The following CHD9 variants were observed in gnomAD, a reference collection of about 807,000 sequenced individuals.
CHD9 encodes the protein chromodomain helicase DNA binding protein 9, also known as ATP-dependent chromatin remodeler CHD9.
Under a neutral mutation model 316.1 loss-of-function variants are expected in CHD9, and 77 were observed. The ratio of observed to expected loss-of-function variants is 0.24; its 90% confidence interval spans 0.20 to 0.29. The LOEUF is 0.29. Ranked by LOEUF, CHD9 falls within the 10% of genes least tolerant of loss-of-function variation. The pLI, the probability that CHD9 is intolerant of heterozygous loss-of-function variation, is 1.00. For missense variants in CHD9, 2,763 were observed against 3,438.1 expected (o/e 0.80, Z 4.91); for synonymous variants, 1,129 against 1,158.3 (o/e 0.97, Z 0.51).
intron 22 of CHD9, among the ~76,000 whole-genome samples, chr16:53,270,674 T>C (rs2052167443): frequency 6.6e-6 from 1 of 151,968 alleles, no homozygotes. Context: ...CTCTCAAAAA[T>C]GGGAGAGGAA....
intron 2 of CHD9, among the ~76,000 whole-genome samples, chr16:53,179,073 C>G (rs566843981): frequency 2.0e-5 from 3 of 152,226 alleles, no homozygotes; most frequent in East Asian, 3.9e-4. Context: ...ATATGTGAAT[C>G]ACTTAGAGTC....
chr16:53,305,110 G>T (rs2055837048), intron 31 of CHD9, among the ~76,000 whole-genome samples: 1 of 151,990 alleles, frequency 6.6e-6, no homozygotes, highest in Non-Finnish European at 1.5e-5. Context: ...CGCCCAGGCT[G>T]GAGTGCAATG....
At chr16:53,211,346 T>A (rs2046318144) in intron 3 of CHD9, among the ~76,000 whole-genome samples, 1 of 152,150 alleles carries the variant, frequency 6.6e-6, no homozygotes, top group Non-Finnish European at 1.5e-5. Context: ...AGTGAATTAA[T>A]ATAGTAAGGG....
rs755310786 is a variant in CHD9 at position 53,273,680 on chromosome 16, C to T, written c.4772C>T (p.Thr1591Ile). The change falls in exon 23 of 39, where the codon ACA becomes ATA. Residue 1591 changes from threonine (T) to isoleucine (I), a missense_variant. Physicochemically the swap from Thr to Ile is moderately conservative, Grantham distance 89 (BLOSUM62 -1). This residue lies in a region of CHD9 where 99 missense variants were observed against 131.6 expected (regional missense o/e 0.75). Transcript: ENST00000447540. Reference sequence around the variant, plus strand: ...AAAGGGAAGAAAGTAAAAACTCAAACAAGCTCATTTGATATACAAAAAGCA... The same window carrying T: ...AAAGGGAAGAAAGTAAAAACTCAAATAAGCTCATTTGATATACAAAAAGCA... ...GRKGKKVKTQTSSFDIQKAEW... is the reference protein window; with the variant it reads ...GRKGKKVKTQISSFDIQKAEW... The T allele has an allele frequency of 9.3e-6, 15 of 1,613,030 alleles. No individual in the cohort carries two copies. The highest frequency in any genetic ancestry group is 8.3e-5 in the Admixed American group (5 of 59,950).
intron 1 of CHD9, among the ~76,000 whole-genome samples, chr16:53,091,007 C>G (rs1044527549): frequency 4.0e-5 from 6 of 151,756 alleles, no homozygotes; most frequent in Non-Finnish European, 7.4e-5. Context: ...GCTCACCCCC[C>G]CCCGACTGAC....
intron 2 of CHD9, among the ~76,000 whole-genome samples, chr16:53,205,570 C>T (rs1332559469): frequency 6.6e-6 from 1 of 152,186 alleles, no homozygotes; most frequent in Non-Finnish European, 1.5e-5. Context: ...CTTAACACCT[C>T]TGTTGATATT....
chr16:53,056,652 G>A (rs926175165), intron 1 of CHD9, among the ~76,000 whole-genome samples: 1 of 152,234 alleles, frequency 6.6e-6, no homozygotes, highest in African/African-American at 2.4e-5. Context: ...GGCGCGTGGT[G>A]TGTCTTCACA....
intron 2 of CHD9, among the ~76,000 whole-genome samples, chr16:53,197,604 G>T (rs1285580843): frequency 6.6e-6 from 1 of 151,098 alleles, no homozygotes; most frequent in African/African-American, 2.4e-5. Flanking sequence ...TCCCAGAATT[G>T]AATGGGACTA....
intron 9 of CHD9, 47 bp downstream of exon 9, chr16:53,231,552 T>G (rs934506481): frequency 7.2e-6 from 10 of 1,391,110 alleles, no homozygotes; most frequent in Middle Eastern, 1.8e-4. Context: ...AATCTGAAAC[T>G]TTCCAAGTAT....
At position 53,162,167 on chromosome 16, in the gene CHD9, T is replaced by A. The variant is rs75370817; in HGVS notation, c.1452+4626T>A. Among the ~76,000 whole-genome samples the A allele has an allele frequency of 2.3e-3, 356 of 152,326 alleles. 1 individual carries two copies. Among genetic ancestry groups the A allele is most frequent in the African/African-American group, 8.0e-3 (333 of 41,566 alleles). On this transcript the variant is annotated intron_variant, in intron 2 of 38. Transcript: ENST00000447540. ...TTAACAACAGTGAATATTGCTGATT[T>A]GACTCTAGAATTTTACTGCTTAGAA...
intron 2 of CHD9, among the ~76,000 whole-genome samples, chr16:53,198,190 A>G (rs16952055): frequency 0.014 from 2,138 of 152,072 alleles, 47 homozygotes; most frequent in African/African-American, 0.05. Flanking sequence ...ATTATTAACT[A>G]TGATTCCCTC....
At chr16:53,232,849 C>G (rs1001342073) in intron 10 of CHD9, among the ~76,000 whole-genome samples, 4 of 152,204 alleles carry the variant, frequency 2.6e-5, no homozygotes, top group African/African-American at 9.7e-5. Context: ...CAGTCCTGTT[C>G]TCAGTATACT....
chr16:53,060,885 CA>C (rs2032799919), intron 1 of CHD9, among the ~76,000 whole-genome samples: 1 of 151,108 alleles, frequency 6.6e-6, no homozygotes, highest in African/African-American at 2.4e-5. Context: ...TGCACCACCG[CA>C]CTCCAGCCTA....
At chr16:53,249,806 T>A (rs2049981305) in intron 16 of CHD9, 65 bp from the exon 17 acceptor site, 1 of 1,270,288 alleles carries the variant, frequency 7.9e-7, no homozygotes, top group African/African-American at 1.5e-5. Flanking sequence ...ACTTTACATT[T>A]GATAGAATAT....
chr16:53,210,126 T>G (rs1212796331), intron 3 of CHD9, among the ~76,000 whole-genome samples: 1 of 152,188 alleles, frequency 6.6e-6, no homozygotes, highest in Non-Finnish European at 1.5e-5. Flanking sequence ...TCCATATTGC[T>G]GTGCCAGTTT....
intron 1 of CHD9, among the ~76,000 whole-genome samples, chr16:53,112,002 G>C (rs1268369412): frequency 6.6e-6 from 1 of 152,194 alleles, no homozygotes; most frequent in Non-Finnish European, 1.5e-5. Context: ...CTAAGTCTAG[G>C]TGAGGTTAAA....
rs1275535798 is a variant in CHD9 at position 53,255,703 on chromosome 16, A to T, written c.4133A>T (p.Asp1378Val). ...GAAGGCTCTAAATTCTGCGAAGAGG[A>T]TATCGATCAGATTTTACTACGTCGT... The part of the protein sequence containing the change: ...EDEGSKFCEE[D>V]IDQILLRRTK... Residue 1378 changes from aspartate to valine, a missense_variant, in exon 19 of 39, where the codon GAT becomes GTT. Physicochemically the swap from Asp to Val is radical, Grantham distance 152. Around this residue, in one of 15 missense-constraint regions of CHD9, gnomAD observed 199 missense variants for 251.7 expected, o/e 0.79. Coordinates refer to ENST00000447540, the MANE Select transcript of CHD9 (RefSeq NM_001308319.2). The T allele has an allele frequency of 3.1e-6, 5 of 1,613,798 alleles. No homozygotes were observed. Among genetic ancestry groups the T allele is most frequent in the African/African-American group, 2.7e-5 (2 of 74,930 alleles).
In CHD9 at chr16:53,306,340, A is replaced by C; in HGVS notation, c.6723A>C (p.Pro2241=). ...QDSFQMNNGT[P]ESAYILQGGY... is the part of the protein sequence containing the mutation. The stretch of plus-strand genomic sequence containing the variant: ...GTTTTCAGATGAACAATGGGACACC[A>C]GAGTCTGCTTATATCTTACAAGGTG... Residue 2241 remains proline (P), a synonymous_variant, in exon 32 of 39, where the codon CCA becomes CCC. Transcript: ENST00000447540. 6.2e-7 allele frequency: 1 copy of C among 1,611,172 alleles called. No individual in the cohort carries two copies. Among genetic ancestry groups the C allele is most frequent in the Non-Finnish European group, 8.5e-7 (1 of 1,178,626 alleles).
chr16:53,102,710 CATG>C (rs2036989108), intron 1 of CHD9, among the ~76,000 whole-genome samples: 1 of 152,040 alleles, frequency 6.6e-6, no homozygotes, highest in African/African-American at 2.4e-5. Context: ...ATTAGCCAGG[CATG>C]GTGGTGCATG....
Sources: allele counts gnomAD v4.1 joint callset (sites outside exome capture counted in the v4.1 genomes callset), GRCh38; gene constraint gnomAD v4.1.1; regional missense constraint gnomAD v4.1.1; transcripts MANE v1.5; gene names NCBI Gene and HGNC (gene_info 2026-07-23, HGNC 2026-07-21).